KCNJ16: variants seen among roughly 807,000 people sequenced by gnomAD.
KCNJ16 encodes the protein inward rectifier potassium channel 16.
A neutral mutation model predicts 18.5 loss-of-function variants in KCNJ16; 15 were observed. That is an observed-to-expected ratio of 0.81 (90% confidence interval 0.54 to 1.25). The LOEUF (loss-of-function observed/expected upper bound fraction) is 1.25. Among genes scored for constraint, KCNJ16 ranks in the 50% most tolerant of loss-of-function variants. The probability of loss-of-function intolerance (pLI) is 0.00; values close to 1 mark genes in which losing one functional copy is unlikely to be tolerated. For synonymous variants in KCNJ16, 174 were observed against 186.5 expected, an observed-to-expected ratio of 0.93 and a Z score of 0.55; for missense variants, 523 against 525.7, an observed-to-expected ratio of 0.99 and a Z score of 0.05.
intron 1 of KCNJ16, among the ~76,000 whole-genome samples, chr17:70,080,764 C>A (rs2071517701): frequency 6.6e-6 from 1 of 152,170 alleles, no homozygotes; most frequent in Non-Finnish European, 1.5e-5. Flanking sequence ...TCATGTGAGG[C>A]TGAGCCAAAC....
chr17:70,125,824 C>T (rs765436511), intron 2 of KCNJ16, among the ~76,000 whole-genome samples: 2 of 151,716 alleles, frequency 1.3e-5, no homozygotes, highest in Non-Finnish European at 2.9e-5. Flanking sequence ...CTCAGCTACT[C>T]GGGAGGCTGA....
At chr17:70,116,634 T>C (rs2073418097) in intron 2 of KCNJ16, among the ~76,000 whole-genome samples, 1 of 152,110 alleles carries the variant, frequency 6.6e-6, no homozygotes, top group African/African-American at 2.4e-5. Context: ...ACAAATTTAA[T>C]TAAACACTTT....
intron 1 of KCNJ16, chr17:70,096,877 A>G (rs904800954): frequency 7.5e-6 from 3 of 398,190 alleles, no homozygotes; most frequent in African/African-American, 4.1e-5. Flanking sequence ...TATTGTTTAG[A>G]GTGTAGACCA....
At chr17:70,130,998 T>C (rs1244456665) in intron 3 of KCNJ16, 23 bp downstream of exon 3, 1 of 1,534,292 alleles carries the variant, frequency 6.5e-7, no homozygotes, top group South Asian at 1.2e-5. Flanking sequence ...TGTTCTGCCT[T>C]GATGTTTTCA....
intron 2 of KCNJ16, among the ~76,000 whole-genome samples, chr17:70,118,779 T>G (rs1216306139): frequency 6.6e-6 from 1 of 152,142 alleles, no homozygotes; most frequent in African/African-American, 2.4e-5. Flanking sequence ...AACATGAGAT[T>G]TGGGTGGGGA....
intron 1 of KCNJ16, among the ~76,000 whole-genome samples, chr17:70,093,099 A>G (rs1053633154): frequency 2.0e-5 from 3 of 152,240 alleles, no homozygotes; most frequent in Non-Finnish European, 4.4e-5. Flanking sequence ...TTAGTAAAAG[A>G]TTCCTCAGAA....
chr17:70,131,218 G>GA, intron 3 of KCNJ16: 2 of 626,556 alleles, frequency 3.2e-6, no homozygotes, highest in Non-Finnish European at 4.7e-6. Context: ...AAGAAAGAAA[G>GA]AAAAGAAAAA....
intron 2 of KCNJ16, among the ~76,000 whole-genome samples, chr17:70,123,406 G>C (rs1247981924): frequency 6.6e-6 from 1 of 152,102 alleles, no homozygotes; most frequent in Non-Finnish European, 1.5e-5. Flanking sequence ...AAACATTTTT[G>C]CTTCCTCTTC....
At chr17:70,076,898 C>T (rs2071336991) in intron 1 of KCNJ16, among the ~76,000 whole-genome samples, 1 of 152,210 alleles carries the variant, frequency 6.6e-6, no homozygotes, top group African/African-American at 2.4e-5. Flanking sequence ...TGTCCTCATA[C>T]AAGAACTTGA....
rs533543245 is a variant in KCNJ16, at chr17:70,114,654, A to G, written c.-191+13888A>G. ...GACTTCTATTCTTAGCAATACTTGT[A>G]GTTCCTCTGGGCAGTTCTATCATGT... On this transcript the variant is annotated intron_variant, in intron 2 of 3. Transcript: ENST00000392671. Among the ~76,000 whole-genome samples the G allele has an allele frequency of 5.7e-4, 87 of 152,274 alleles. 1 individual carries two copies. Among genetic ancestry groups the G allele is most frequent in the Non-Finnish European group, 6.8e-4 (46 of 68,004 alleles).
chr17:70,081,806 C>CTGTGTGTGTGTG (rs5821755), intron 1 of KCNJ16, among the ~76,000 whole-genome samples: 16 of 149,572 alleles, frequency 1.1e-4, no homozygotes, highest in Middle Eastern at 3.4e-3. Flanking sequence ...TCACCATGCT[C>CTGTGTGTGTGTG]TGTGTGTGTG....
intron 1 of KCNJ16, among the ~76,000 whole-genome samples, chr17:70,089,484 ATTT>A (rs1555584560): frequency 6.6e-6 from 1 of 152,150 alleles, no homozygotes; most frequent in Non-Finnish European, 1.5e-5. Flanking sequence ...ACCATTTAAA[ATTT>A]TTGTTTGTTT....
chr17:70,124,852 A>G (rs2144191919), intron 2 of KCNJ16, among the ~76,000 whole-genome samples: 1 of 152,250 alleles, frequency 6.6e-6, no homozygotes, highest in East Asian at 1.9e-4. Flanking sequence ...CAAAGGAGTA[A>G]GCAGTGATAA....
At chr17:70,091,937 G>C (rs2072108230) in intron 1 of KCNJ16, among the ~76,000 whole-genome samples, 1 of 152,124 alleles carries the variant, frequency 6.6e-6, no homozygotes, top group Admixed American at 6.5e-5. Flanking sequence ...TAATTTATTG[G>C]GTTGGAGGGG....
At chr17:70,076,816 G>A (rs1482128653) in intron 1 of KCNJ16, among the ~76,000 whole-genome samples, 1 of 152,066 alleles carries the variant, frequency 6.6e-6, no homozygotes, top group Non-Finnish European at 1.5e-5. Flanking sequence ...TATATAAAGG[G>A]CATTGAAAGT....
chr17:70,106,993 T>C (rs2072962564), intron 2 of KCNJ16, among the ~76,000 whole-genome samples: 1 of 152,216 alleles, frequency 6.6e-6, no homozygotes, highest in Non-Finnish European at 1.5e-5. Context: ...TGGTTTCTTC[T>C]ACCATTGTTA....
chr17:70,089,312 C>T (rs2071977952), intron 1 of KCNJ16, among the ~76,000 whole-genome samples: 1 of 152,126 alleles, frequency 6.6e-6, no homozygotes, highest in African/African-American at 2.4e-5. Context: ...GGGGTCTAAG[C>T]CACTTCAGTT....
At chr17:70,130,526 T>C (rs999359317) in intron 2 of KCNJ16, among the ~76,000 whole-genome samples, 2 of 152,134 alleles carry the variant, frequency 1.3e-5, no homozygotes, top group African/African-American at 4.8e-5. Context: ...TTGTAAGTGG[T>C]GCATTAAACA....
intron 1 of KCNJ16, among the ~76,000 whole-genome samples, chr17:70,094,386 A>G (rs1310709948): frequency 6.6e-6 from 1 of 152,210 alleles, no homozygotes; most frequent in African/African-American, 2.4e-5. Flanking sequence ...AAAGGTGGGA[A>G]TATCAATTGT....
Sources: gnomAD v4.1 joint callset for allele counts (sites outside exome capture counted in the v4.1 genomes callset) on GRCh38, gnomAD v4.1.1 for gene constraint, MANE v1.5 for transcripts, NCBI Gene and HGNC (gene_info 2026-07-23, HGNC 2026-07-21) for gene names.